Variants in MYT1L observed in about 807,000 individuals in gnomAD.
MYT1L encodes myelin transcription factor 1-like protein.
A neutral mutation model predicts 126.7 loss-of-function variants in MYT1L; 12 were observed. That is an observed-to-expected ratio of 0.09 (90% CI 0.06 to 0.15). The LOEUF (loss-of-function observed/expected upper bound fraction) is 0.15, where lower values mean the gene tolerates loss of function less well. Among genes scored for constraint, MYT1L ranks in the 10% least tolerant of loss-of-function variants. The pLI, the probability that MYT1L is intolerant of heterozygous loss-of-function variation, is 1.00. For missense variants in MYT1L, 979 were observed against 1,585.2 expected (o/e 0.62, Z 6.49); for synonymous variants, 541 against 604.2 (o/e 0.90, Z 1.53).
At chr2:2,271,245 C>T (rs1384354984) in intron 2 of MYT1L, among the ~76,000 whole-genome samples, 2 of 152,148 alleles carry the variant, frequency 1.3e-5, no homozygotes, top group East Asian at 3.9e-4. Flanking sequence ...AGGAGCTCCC[C>T]GCAGGCATAC....
intron 21 of MYT1L, among the ~76,000 whole-genome samples, chr2:1,834,171 G>A (rs942629525): frequency 5.3e-5 from 8 of 152,226 alleles, no homozygotes; most frequent in Non-Finnish European, 8.8e-5. Flanking sequence ...GCTTCTAACC[G>A]CTGCTTTGTT....
chr2:1,817,539 A>G (rs2037859784), intron 21 of MYT1L, among the ~76,000 whole-genome samples: 1 of 152,214 alleles, frequency 6.6e-6, no homozygotes, highest in South Asian at 2.1e-4. Context: ...GGCCTGAAGA[A>G]TGATGCATTC....
intron 3 of MYT1L, among the ~76,000 whole-genome samples, chr2:2,140,725 G>A (rs781020631): frequency 5.3e-5 from 8 of 152,034 alleles, no homozygotes; most frequent in Non-Finnish European, 8.8e-5. Context: ...GAGACACCAC[G>A]CCCGGCCTAA....
At chr2:2,120,060 G>A (rs529933930) in intron 3 of MYT1L, among the ~76,000 whole-genome samples, 85 of 152,272 alleles carry the variant, frequency 5.6e-4, no homozygotes, top group Non-Finnish European at 1.0e-3. Flanking sequence ...TGCCCAGCTC[G>A]TTACAAAATC....
At chr2:2,184,082 A>AGAGG (rs2091864034) in intron 2 of MYT1L, among the ~76,000 whole-genome samples, 3 of 147,830 alleles carry the variant, frequency 2.0e-5, no homozygotes, top group African/African-American at 5.0e-5. Context: ...AGAAACAGAG[A>AGAGG]GAGGGAGGGA....
At chr2:2,119,771 T>C (rs1471859506) in intron 3 of MYT1L, among the ~76,000 whole-genome samples, 1 of 152,212 alleles carries the variant, frequency 6.6e-6, no homozygotes, top group Non-Finnish European at 1.5e-5. Context: ...AAACTGTATG[T>C]ATGCATTCTC....
At chr2:1,841,839 T>C (rs2041769550) in intron 19 of MYT1L, 2 of 152,206 alleles carry the variant, frequency 1.3e-5, no homozygotes, top group African/African-American at 4.8e-5. Flanking sequence ...TAGTGACTTA[T>C]TCCAGGCTTC....
chr2:2,286,378 T>C (rs1241896464), intron 1 of MYT1L, among the ~76,000 whole-genome samples: 1 of 152,190 alleles, frequency 6.6e-6, no homozygotes, highest in Admixed American at 6.5e-5. Flanking sequence ...TTGATGACTC[T>C]TCCAGGACAA....
At chr2:2,253,148 A>T (rs2094700491) in intron 2 of MYT1L, among the ~76,000 whole-genome samples, 1 of 152,166 alleles carries the variant, frequency 6.6e-6, no homozygotes, top group Non-Finnish European at 1.5e-5. Context: ...TTAAAAAAAA[A>T]AGAAAAAAAG....
intron 2 of MYT1L, among the ~76,000 whole-genome samples, chr2:2,242,713 G>A (rs2094461798): frequency 6.6e-6 from 1 of 152,294 alleles, no homozygotes; most frequent in Non-Finnish European, 1.5e-5. Context: ...CCCATTTCAA[G>A]GAGCATTATC....
At chr2:2,025,051 A>AT (rs773852313) in intron 4 of MYT1L, among the ~76,000 whole-genome samples, 3 of 152,064 alleles carry the variant, frequency 2.0e-5, no homozygotes, top group African/African-American at 4.8e-5. Flanking sequence ...TTGTACAGTG[A>AT]TTTTTTTCTT....
At chr2:2,299,807 C>G (rs1222325008) in intron 1 of MYT1L, among the ~76,000 whole-genome samples, 4 of 152,180 alleles carry the variant, frequency 2.6e-5, no homozygotes, top group Non-Finnish European at 5.9e-5. Context: ...TTGAAACATC[C>G]AGTCCCATTA....
chr2:2,178,276 G>A lies in MYT1L; in HGVS notation c.-420-5288C>T, dbSNP rs185379839. On this transcript the variant is annotated intron_variant, in intron 2 of 24. Transcript: ENST00000647738. ...TCCCAAAGTCACGTAATACTTGTAA[G>A]CAACTTGCACTCCCCAGACCCCCAA... is the stretch of plus-strand genomic sequence containing the variant. Among the ~76,000 whole-genome samples, 1,367 of 152,190 alleles carry A rather than the reference G, an allele frequency of 9.0e-3. 14 individuals are homozygous for A. The highest frequency in any genetic ancestry group is 0.034 in the Middle Eastern group (10 of 294).
intron 1 of MYT1L, among the ~76,000 whole-genome samples, chr2:2,322,477 T>C (rs984915926): frequency 6.6e-6 from 1 of 152,162 alleles, no homozygotes; most frequent in African/African-American, 2.4e-5. Context: ...TTTCCAGTCC[T>C]GGGACCTTTC....
At position 2,197,568 on chromosome 2, in the gene MYT1L, C is replaced by A. The variant is rs573060780; in HGVS notation, c.-420-24580G>T. Reference sequence around the variant, plus strand: ...ATATATACATACATACATGCACACACACATGCACACAACGAAGGTGCAGAT... The same window carrying A: ...ATATATACATACATACATGCACACAAACATGCACACAACGAAGGTGCAGAT... On this transcript the variant is annotated intron_variant, in intron 2 of 24. Coordinates refer to ENST00000647738, the MANE Select transcript of MYT1L (RefSeq NM_001303052.2). 4.2e-4 allele frequency among the ~76,000 whole-genome samples: 63 copies of A among 150,992 alleles called. 1 individual carries two copies. The highest frequency in any genetic ancestry group is 1.5e-3 in the African/African-American group (63 of 41,006).
chr2:2,128,175 GTCTC>G (rs1476281312), intron 3 of MYT1L, among the ~76,000 whole-genome samples: 1 of 152,094 alleles, frequency 6.6e-6, no homozygotes, highest in African/African-American at 2.4e-5. Flanking sequence ...GGGCATCAGA[GTCTC>G]TCTTTGTTGC....
intron 2 of MYT1L, among the ~76,000 whole-genome samples, chr2:2,259,446 ATTAG>A (rs1174645310): frequency 3.9e-5 from 6 of 152,050 alleles, no homozygotes; most frequent in East Asian, 3.9e-4. Flanking sequence ...TGATAGATGT[ATTAG>A]TTAGCTTGAT....
At chr2:2,004,784 A>AGGCC (rs1558703078) in intron 4 of MYT1L, among the ~76,000 whole-genome samples, 1 of 50,402 alleles carries the variant, frequency 2.0e-5, no homozygotes, top group African/African-American at 1.7e-4. Flanking sequence ...TCCTGCAGGC[A>AGGCC]TTCTTTCCTG....
At chr2:1,799,656 G>A (rs2034466461) in intron 23 of MYT1L, among the ~76,000 whole-genome samples, 1 of 152,216 alleles carries the variant, frequency 6.6e-6, no homozygotes, top group Non-Finnish European at 1.5e-5. Flanking sequence ...GCCCCAAAAG[G>A]TGCCATTCAA....
Sources: gnomAD v4.1 joint callset for allele counts (sites outside exome capture counted in the v4.1 genomes callset) on GRCh38, gnomAD v4.1.1 for gene constraint, MANE v1.5 for transcripts, NCBI Gene and HGNC (gene_info 2026-07-23, HGNC 2026-07-21) for gene names.